Variants in MACROD2 observed in about 807,000 individuals in gnomAD.
MACROD2 encodes the protein ADP-ribose glycohydrolase MACROD2.
Under a neutral mutation model 70.4 loss-of-function variants are expected in MACROD2, and 36 were observed. The observed-to-expected ratio is 0.51, with a 90% CI of 0.39 to 0.68. MACROD2 has a LOEUF of 0.68. Ranked by LOEUF, MACROD2 falls within the 30% of genes least tolerant of loss-of-function variation. The pLI, the probability that MACROD2 is intolerant of heterozygous loss-of-function variation, is 0.00. For synonymous variants in MACROD2, 172 were observed against 178.8 expected (o/e 0.96, Z 0.30); for missense variants, 496 against 538.4 (o/e 0.92, Z 0.78).
At chr20:14,616,810 A>G (rs538258715) in intron 4 of MACROD2, among the ~76,000 whole-genome samples, 82 of 152,104 alleles carry the variant, frequency 5.4e-4, no homozygotes, top group Non-Finnish European at 9.3e-4. Flanking sequence ...TGTCTAGGGT[A>G]TTTCATTTAA....
chr20:15,280,339 A>T (rs1300581304), intron 6 of MACROD2, among the ~76,000 whole-genome samples: 1 of 152,210 alleles, frequency 6.6e-6, no homozygotes, highest in Admixed American at 6.5e-5. Flanking sequence ...ATATAATTAA[A>T]AGATTAAATG....
At chr20:14,953,761 G>A (rs988422259) in intron 5 of MACROD2, among the ~76,000 whole-genome samples, 9 of 152,130 alleles carry the variant, frequency 5.9e-5, no homozygotes, top group African/African-American at 2.2e-4. Context: ...ATTTCTAAAG[G>A]ACTTATTGTT....
rs147974089 is a variant in MACROD2, at chr20:15,175,910, C to G, written c.419-54030C>G. Among the ~76,000 whole-genome samples the G allele has an allele frequency of 2.6e-3, 396 of 152,272 alleles. 2 individuals are homozygous for G. The highest frequency in any genetic ancestry group is 8.7e-3 in the African/African-American group (363 of 41,550). ...GTTCCTGGGTGCAACAGCAGCTGCC[C>G]GACTGTGGCTCCAGACCTGGGAATC... On this transcript the variant is annotated intron_variant, in intron 5 of 17. Coordinates refer to ENST00000684519, the MANE Select transcript of MACROD2 (RefSeq NM_001351661.2).
intron 5 of MACROD2, among the ~76,000 whole-genome samples, chr20:15,065,146 G>A (rs2075563538): frequency 6.6e-6 from 1 of 152,158 alleles, no homozygotes; most frequent in Admixed American, 6.5e-5. Context: ...TATTGTCTCA[G>A]CATGACTAGA....
At chr20:14,900,498 T>C (rs1320569499) in intron 5 of MACROD2, among the ~76,000 whole-genome samples, 1 of 152,220 alleles carries the variant, frequency 6.6e-6, no homozygotes. Flanking sequence ...TGTTACAGTT[T>C]TATTTAGACT....
intron 6 of MACROD2, among the ~76,000 whole-genome samples, chr20:15,340,392 T>C (rs2146206123): frequency 6.6e-6 from 1 of 152,070 alleles, no homozygotes; most frequent in Admixed American, 6.6e-5. Flanking sequence ...CGCCTCGGAC[T>C]CCCAAAGTCC....
At chr20:14,269,031 C>G (rs916370053) in intron 3 of MACROD2, among the ~76,000 whole-genome samples, 1 of 152,176 alleles carries the variant, frequency 6.6e-6, no homozygotes, top group Admixed American at 6.5e-5. Context: ...TTGAGGGGAG[C>G]AAGCTAGTCT....
chr20:14,935,879 ATAT>A (rs2074336448), intron 5 of MACROD2, among the ~76,000 whole-genome samples: 1 of 152,194 alleles, frequency 6.6e-6, no homozygotes. Context: ...TGTGCTAAGA[ATAT>A]TATAATAGAC....
chr20:14,956,315 G>A (rs975809375), intron 5 of MACROD2, among the ~76,000 whole-genome samples: 5 of 152,050 alleles, frequency 3.3e-5, no homozygotes, highest in Non-Finnish European at 5.9e-5. Context: ...TGGAAACCTG[G>A]TATTATTCTA....
intron 11 of MACROD2, among the ~76,000 whole-genome samples, chr20:15,935,327 CGCCG>C (rs1475010758): frequency 6.6e-6 from 1 of 152,142 alleles, no homozygotes; most frequent in Non-Finnish European, 1.5e-5. Context: ...CAAGTGAGCT[CGCCG>C]GCCGGCACAG....
chr20:14,410,545 T>G (rs1447097985), intron 3 of MACROD2, among the ~76,000 whole-genome samples: 1 of 152,166 alleles, frequency 6.6e-6, no homozygotes, highest in South Asian at 2.1e-4. Flanking sequence ...GTCAACTGCA[T>G]GTTGCTGCAG....
chr20:15,432,464 T>A (rs112649780), intron 7 of MACROD2, among the ~76,000 whole-genome samples: 1,589 of 152,148 alleles, frequency 0.01, 26 homozygotes, highest in African/African-American at 0.036. Flanking sequence ...GGAAACAGGA[T>A]GAGCACTGGG....
At chr20:14,042,917 G>GT (rs2053413706) in intron 2 of MACROD2, among the ~76,000 whole-genome samples, 2 of 144,468 alleles carry the variant, frequency 1.4e-5, no homozygotes, top group African/African-American at 2.5e-5. Context: ...CCAGGTGGTG[G>GT]GTTTTTTTTT....
chr20:14,281,933 C>CAAAAA (rs571115190), intron 3 of MACROD2, among the ~76,000 whole-genome samples: 10 of 96,386 alleles, frequency 1.0e-4, no homozygotes, highest in African/African-American at 1.8e-4. Context: ...GACTCCCTCT[C>CAAAAA]AAAAAAAAAA....
At chr20:16,037,408 T>G (rs2067250283) in intron 15 of MACROD2, among the ~76,000 whole-genome samples, 1 of 151,910 alleles carries the variant, frequency 6.6e-6, no homozygotes, top group Non-Finnish European at 1.5e-5. Context: ...TAGAAAGATA[T>G]TTCCTGAAAG....
chr20:14,077,477 C>T (rs1282955110), intron 2 of MACROD2, among the ~76,000 whole-genome samples: 4 of 151,882 alleles, frequency 2.6e-5, no homozygotes, highest in East Asian at 1.9e-4. Context: ...GTGTATTGGT[C>T]GTTAAAATTA....
intron 5 of MACROD2, among the ~76,000 whole-genome samples, chr20:15,020,342 G>A (rs1484726075): frequency 6.6e-6 from 1 of 152,124 alleles, no homozygotes; most frequent in Non-Finnish European, 1.5e-5. Context: ...AGAGGAGTTA[G>A]AAGTTGTCTC....
At chr20:14,378,614 A>T (rs1208294472) in intron 3 of MACROD2, among the ~76,000 whole-genome samples, 2 of 152,228 alleles carry the variant, frequency 1.3e-5, no homozygotes, top group African/African-American at 4.8e-5. Context: ...GGCCTGCAGC[A>T]GTAGGTAATA....
intron 4 of MACROD2, among the ~76,000 whole-genome samples, chr20:14,634,871 G>T (rs1263200273): frequency 1.3e-5 from 2 of 152,140 alleles, no homozygotes; most frequent in African/African-American, 4.8e-5. Context: ...TTCTTGCAAG[G>T]GAGAGAATAA....
Sources: gnomAD v4.1 joint callset for allele counts (sites outside exome capture counted in the v4.1 genomes callset) on GRCh38, gnomAD v4.1.1 for gene constraint, MANE v1.5 for transcripts, NCBI Gene and HGNC (gene_info 2026-07-23, HGNC 2026-07-21) for gene names.